The following ZNF385D variants were observed in gnomAD, a reference collection of about 807,000 sequenced individuals.
ZNF385D encodes zinc finger protein 659.
A neutral mutation model predicts 35.8 loss-of-function variants in ZNF385D; 15 were observed. The observed-to-expected ratio is 0.42, with a 90% confidence interval of 0.28 to 0.64. The LOEUF (loss-of-function observed/expected upper bound fraction) is 0.64, where lower values mean the gene tolerates loss of function less well. Ranked by LOEUF, ZNF385D falls within the 30% of genes least tolerant of loss-of-function variation. ZNF385D has a pLI of 0.23. For synonymous variants in ZNF385D, 212 were observed against 186.8 expected, an observed-to-expected ratio of 1.13 and a Z score of -1.10; for missense variants, 474 against 494.6, an observed-to-expected ratio of 0.96 and a Z score of 0.39.
intron 2 of ZNF385D, among the ~76,000 whole-genome samples, chr3:22,276,809 G>A (rs1382130988): frequency 4.6e-5 from 7 of 152,074 alleles, no homozygotes; most frequent in African/African-American, 1.4e-4. Flanking sequence ...GATGTCTAGG[G>A]TAAGAAATAT....
intron 3 of ZNF385D, among the ~76,000 whole-genome samples, chr3:21,778,593 C>CAT (rs537256532): frequency 1.8e-4 from 28 of 151,848 alleles, no homozygotes; most frequent in South Asian, 6.2e-4. Context: ...GAAATATACA[C>CAT]ATATATATAT....
intron 1 of ZNF385D, among the ~76,000 whole-genome samples, chr3:21,734,281 C>CA (rs1181293850): frequency 1.7e-5 from 1 of 59,534 alleles, no homozygotes; most frequent in Non-Finnish European, 4.0e-5. Flanking sequence ...CCAGAACACT[C>CA]AGGGTTTTTT....
chr3:21,572,991 C>T (rs1202266841), intron 2 of ZNF385D, among the ~76,000 whole-genome samples: 1 of 151,988 alleles, frequency 6.6e-6, no homozygotes, highest in African/African-American at 2.4e-5. Context: ...TTTTTAAGCA[C>T]AAACACATGA....
chr3:21,664,780 ATG>A (rs1203447122), intron 2 of ZNF385D, 104 bp downstream of exon 2: 2 of 1,470,104 alleles, frequency 1.4e-6, no homozygotes, highest in African/African-American at 2.8e-5. Flanking sequence ...AAACCATGCA[ATG>A]AACAATATAG....
intron 2 of ZNF385D, among the ~76,000 whole-genome samples, chr3:21,635,419 T>C (rs1468994629): frequency 6.6e-6 from 1 of 152,084 alleles, no homozygotes; most frequent in East Asian, 1.9e-4. Flanking sequence ...GTCCCCTTTA[T>C]GTAGATGAAG....
chr3:21,709,479 T>G (rs544686089), intron 1 of ZNF385D, among the ~76,000 whole-genome samples: 108 of 137,610 alleles, frequency 7.8e-4, no homozygotes, highest in Non-Finnish European at 1.3e-3. Context: ...CTCCTGAGGC[T>G]TCTATGAAAA....
At chr3:22,116,929 C>T (rs1239270521) in intron 3 of ZNF385D, among the ~76,000 whole-genome samples, 1 of 152,054 alleles carries the variant, frequency 6.6e-6, no homozygotes, top group East Asian at 1.9e-4. Flanking sequence ...GTGTTTAGGT[C>T]ATTTGGCCAT....
At chr3:21,888,294 T>C (rs1163611371) in intron 3 of ZNF385D, among the ~76,000 whole-genome samples, 1 of 152,126 alleles carries the variant, frequency 6.6e-6, no homozygotes, top group African/African-American at 2.4e-5. Flanking sequence ...AAATCTTTTA[T>C]ATTGTGGTAT....
At position 22,000,606 on chromosome 3, in the gene ZNF385D, G is replaced by GA. The variant is rs71044962; in HGVS notation, c.325+168210dup. On this transcript the variant is annotated intron_variant, in intron 3 of 5. Transcript: ENST00000494108. ...TTCTTAATAAACTTCCTTTCACTTT[G>GA]AAAAAAAAATCAAAGACAAAGAGAG... Among the ~76,000 whole-genome samples the GA allele has an allele frequency of 3.6e-3, 433 of 119,876 alleles. 3 individuals are homozygous for GA. Among genetic ancestry groups the GA allele is most frequent in the African/African-American group, 8.8e-3 (342 of 38,730 alleles). 78.6% of individuals were successfully genotyped at this position (119,876 alleles called of 152,430 possible).
chr3:22,346,419 T>G (rs1449720258), intron 2 of ZNF385D, among the ~76,000 whole-genome samples: 1 of 152,248 alleles, frequency 6.6e-6, no homozygotes, highest in Non-Finnish European at 1.5e-5. Context: ...TCATAACAAG[T>G]TAAATTTATA....
intron 2 of ZNF385D, among the ~76,000 whole-genome samples, chr3:21,613,823 G>A (rs17009155): frequency 1.3e-5 from 2 of 152,162 alleles, no homozygotes; most frequent in African/African-American, 4.8e-5. Context: ...TCATATCCAC[G>A]TTTACTTGAG....
chr3:22,352,514 A>G (rs1399673190), intron 2 of ZNF385D, among the ~76,000 whole-genome samples: 1 of 152,172 alleles, frequency 6.6e-6, no homozygotes, highest in Non-Finnish European at 1.5e-5. Flanking sequence ...TTGGATTTCA[A>G]ATTAAGAGAT....
At chr3:22,248,908 T>G (rs573057791) in intron 2 of ZNF385D, among the ~76,000 whole-genome samples, 1 of 152,154 alleles carries the variant, frequency 6.6e-6, no homozygotes, top group Non-Finnish European at 1.5e-5. Flanking sequence ...GAATACTCCC[T>G]TCTCATGACC....
chr3:21,757,998 T>C (rs947237111), intron 3 of ZNF385D, among the ~76,000 whole-genome samples: 1 of 152,220 alleles, frequency 6.6e-6, no homozygotes, highest in Non-Finnish European at 1.5e-5. Flanking sequence ...TAAAGTTATA[T>C]TCTACCAAGA....
intron 1 of ZNF385D, 135 bp from the exon 2 acceptor site, chr3:21,665,163 C>T: frequency 8.4e-7 from 1 of 1,189,256 alleles, no homozygotes; most frequent in Non-Finnish European, 1.1e-6. Context: ...TTGACCTCAA[C>T]TGGGAACCGG....
intron 3 of ZNF385D, among the ~76,000 whole-genome samples, chr3:21,801,353 T>C (rs1247985717): frequency 6.6e-6 from 1 of 152,170 alleles, no homozygotes; most frequent in Non-Finnish European, 1.5e-5. Flanking sequence ...AGTTAGGAAG[T>C]GTTAGCTCCT....
At chr3:21,790,750 A>G (rs996987527) in intron 3 of ZNF385D, among the ~76,000 whole-genome samples, 3 of 152,146 alleles carry the variant, frequency 2.0e-5, no homozygotes, top group African/African-American at 4.8e-5. Flanking sequence ...TTTATGTTTG[A>G]CTTTTCTCTC....
chr3:22,162,708 G>A (rs1706042879), intron 3 of ZNF385D, among the ~76,000 whole-genome samples: 1 of 152,106 alleles, frequency 6.6e-6, no homozygotes, highest in Non-Finnish European at 1.5e-5. Context: ...CCTCTCCTTT[G>A]AGCCTCATAT....
chr3:21,545,755 AC>A (rs2062349877), intron 3 of ZNF385D, among the ~76,000 whole-genome samples: 1 of 152,104 alleles, frequency 6.6e-6, no homozygotes, highest in African/African-American at 2.4e-5. Flanking sequence ...CTGGCCTGAG[AC>A]CCTCCTCTAC....
Sources: gnomAD v4.1 joint callset for allele counts (sites outside exome capture counted in the v4.1 genomes callset) on GRCh38, gnomAD v4.1.1 for gene constraint, MANE v1.5 for transcripts, NCBI Gene and HGNC (gene_info 2026-07-23, HGNC 2026-07-21) for gene names.